The following MICU2 variants were observed in gnomAD, a reference collection of about 807,000 sequenced individuals.
MICU2 encodes the protein mitochondrial calcium uptake 2.
MICU2 carries 64 observed loss-of-function variants against 60.4 expected under a neutral mutation model. The ratio of observed to expected loss-of-function variants is 1.06; its 90% CI spans 0.87 to 1.31. The LOEUF (loss-of-function observed/expected upper bound fraction) is 1.31, where lower values mean the gene tolerates loss of function less well. MICU2 is among the 50% of genes most tolerant of loss of function. The pLI, the probability that MICU2 is intolerant of heterozygous loss-of-function variation, is 0.00. For missense variants in MICU2, 569 were observed against 531.0 expected, an observed-to-expected ratio of 1.07 and a Z score of -0.70; for synonymous variants, 201 against 175.0, an observed-to-expected ratio of 1.15 and a Z score of -1.17.
At chr13:21,584,388 CAA>C (rs369331807) in intron 1 of MICU2, among the ~76,000 whole-genome samples, 26 of 103,400 alleles carry the variant, frequency 2.5e-4, no homozygotes, top group Admixed American at 4.4e-4. Context: ...GACTCCATCT[CAA>C]AAAAAAAAAA....
intron 6 of MICU2, among the ~76,000 whole-genome samples, chr13:21,520,869 G>T (rs987438845): frequency 6.6e-6 from 1 of 151,792 alleles, no homozygotes; most frequent in Non-Finnish European, 1.5e-5. Context: ...GAAGGCTTAA[G>T]TTTTTATTAT....
intron 1 of MICU2, among the ~76,000 whole-genome samples, chr13:21,600,237 T>C (rs749197406): frequency 6.6e-6 from 1 of 152,188 alleles, no homozygotes; most frequent in Non-Finnish European, 1.5e-5. Flanking sequence ...ACACCCAATT[T>C]TGAACCCCAT....
chr13:21,520,132 T>C (rs1886680795), intron 6 of MICU2, among the ~76,000 whole-genome samples: 1 of 152,222 alleles, frequency 6.6e-6, no homozygotes, highest in Admixed American at 6.5e-5. Context: ...GTTGCTGCAT[T>C]TATCAGTGGT....
intron 6 of MICU2, among the ~76,000 whole-genome samples, chr13:21,517,085 C>A (rs543921030): frequency 6.6e-6 from 1 of 152,340 alleles, no homozygotes; most frequent in Non-Finnish European, 1.5e-5. Context: ...ACAGCTCACA[C>A]AGACAGTTGC....
rs1334915822 is a variant in MICU2, at chr13:21,493,340, T to G, written c.1214A>C (p.Gln405Pro). The G allele has an allele frequency of 6.2e-7, 1 of 1,604,956 alleles. No homozygotes were observed. Among genetic ancestry groups the G allele is most frequent in the South Asian group, 1.1e-5 (1 of 88,776 alleles). The change falls in exon 12 of 12, where the codon CAG becomes CCG. Residue 405 changes from glutamine to proline, a missense_variant. Gln to Pro is a moderately conservative substitution (Grantham distance 76). Transcript: ENST00000382374. ...MHRGLWVPQH[Q>P]SIQEYWKCVK... ...ACACTTCCAGTATTCTTGTATACTC[T>G]GATGTTGTGGTACCTGTTAACCGAA...
At chr13:21,494,637 A>G (rs1478742470) in intron 11 of MICU2, among the ~76,000 whole-genome samples, 1 of 152,176 alleles carries the variant, frequency 6.6e-6, no homozygotes, top group Non-Finnish European at 1.5e-5. Context: ...TAGAGGTGGG[A>G]TTTGAATTTA....
intron 7 of MICU2, among the ~76,000 whole-genome samples, chr13:21,510,665 G>T (rs1379499766): frequency 6.6e-6 from 1 of 152,032 alleles, no homozygotes; most frequent in South Asian, 2.1e-4. Context: ...ACAAAAGGGG[G>T]TATAAGTTTA....
intron 2 of MICU2, among the ~76,000 whole-genome samples, chr13:21,550,137 A>C (rs1383848881): frequency 6.6e-6 from 1 of 152,198 alleles, no homozygotes; most frequent in African/African-American, 2.4e-5. Context: ...ATAAAGACTT[A>C]AGGCAAAATC....
At chr13:21,534,477 G>C (rs1887085766) in intron 4 of MICU2, among the ~76,000 whole-genome samples, 1 of 151,992 alleles carries the variant, frequency 6.6e-6, no homozygotes, top group Non-Finnish European at 1.5e-5. Context: ...AAAGTGCTGG[G>C]GTTACAGGCA....
At chr13:21,526,819 A>G (rs1886868753) in intron 4 of MICU2, among the ~76,000 whole-genome samples, 1 of 152,168 alleles carries the variant, frequency 6.6e-6, no homozygotes, top group Non-Finnish European at 1.5e-5. Flanking sequence ...GGAAAAAAAA[A>G]AACTACTATG....
chr13:21,517,943 G>A (rs896754144), intron 6 of MICU2, among the ~76,000 whole-genome samples: 3 of 151,966 alleles, frequency 2.0e-5, no homozygotes, highest in African/African-American at 7.3e-5. Flanking sequence ...GCTGTATCAC[G>A]CTCTATGGGT....
chr13:21,578,128 T>C (rs1044066776), intron 1 of MICU2, among the ~76,000 whole-genome samples: 5 of 152,236 alleles, frequency 3.3e-5, no homozygotes, highest in Admixed American at 6.5e-5. Context: ...ATCAAAGCCG[T>C]AGTAACCCTG....
intron 1 of MICU2, among the ~76,000 whole-genome samples, chr13:21,572,214 A>G (rs1004615301): frequency 1.3e-5 from 2 of 152,386 alleles, no homozygotes; most frequent in Non-Finnish European, 2.9e-5. Flanking sequence ...TGACTGTGGC[A>G]TAAGTTTTAA....
At chr13:21,555,055 G>A (rs948384484) in intron 2 of MICU2, among the ~76,000 whole-genome samples, 7 of 152,090 alleles carry the variant, frequency 4.6e-5, no homozygotes, top group Admixed American at 4.6e-4. Flanking sequence ...AAAAGTCCAG[G>A]ACCAGATGGA....
intron 6 of MICU2, among the ~76,000 whole-genome samples, chr13:21,517,807 G>GCGCGCGCGCGCGCACA (rs1379852256): frequency 6.7e-6 from 1 of 149,892 alleles, no homozygotes; most frequent in African/African-American, 2.5e-5. Flanking sequence ...ACACGCGCGC[G>GCGCGCGCGCGCGCACA]CGCGCGCACA....
At chr13:21,574,509 T>C (rs949860356) in intron 1 of MICU2, among the ~76,000 whole-genome samples, 1 of 152,238 alleles carries the variant, frequency 6.6e-6, no homozygotes, top group Non-Finnish European at 1.5e-5. Context: ...CACTAGTTTA[T>C]TGCCTCTAAA....
At chr13:21,555,569 G>A (rs1035329452) in intron 2 of MICU2, among the ~76,000 whole-genome samples, 3 of 152,138 alleles carry the variant, frequency 2.0e-5, no homozygotes, top group Non-Finnish European at 4.4e-5. Flanking sequence ...ATATCATACT[G>A]AATGGACAAA....
At chr13:21,570,352 T>A (rs1231928330) in intron 1 of MICU2, among the ~76,000 whole-genome samples, 1 of 152,228 alleles carries the variant, frequency 6.6e-6, no homozygotes, top group Non-Finnish European at 1.5e-5. Context: ...GTGCAGTGTA[T>A]ATTTATGCTT....
At chr13:21,506,027 C>CTT (rs1158304652) in intron 8 of MICU2, among the ~76,000 whole-genome samples, 16 of 144,640 alleles carry the variant, frequency 1.1e-4, no homozygotes, top group South Asian at 2.2e-4. Context: ...CCAGACTCCA[C>CTT]TTTTTTTTTT....
Sources: gnomAD v4.1 joint callset for allele counts (sites outside exome capture counted in the v4.1 genomes callset) on GRCh38, gnomAD v4.1.1 for gene constraint, MANE v1.5 for transcripts, NCBI Gene and HGNC (gene_info 2026-07-23, HGNC 2026-07-21) for gene names.